Variants in ESR1 observed in about 807,000 individuals in gnomAD.
ESR1 encodes the protein estrogen receptor.
In ESR1, 12 loss-of-function variants were observed where a neutral mutation model predicts 52.7. That is an observed-to-expected ratio of 0.23 (90% CI 0.15 to 0.37). The LOEUF is 0.37. Among genes scored for constraint, ESR1 ranks in the 10% least tolerant of loss-of-function variants. The probability of loss-of-function intolerance (pLI) is 1.00; values close to 1 mark genes in which losing one functional copy is unlikely to be tolerated. For missense variants in ESR1, 584 were observed against 779.7 expected, an observed-to-expected ratio of 0.75 and a Z score of 2.99; for synonymous variants, 305 against 316.8, an observed-to-expected ratio of 0.96 and a Z score of 0.39.
chr6:151,725,404 T>C (rs912143853), intron 2 of ESR1, among the ~76,000 whole-genome samples: 5 of 152,260 alleles, frequency 3.3e-5, no homozygotes, highest in Admixed American at 2.0e-4. Flanking sequence ...TTTTAAAGTC[T>C]TAAATCTTTT....
intron 2 of ESR1, among the ~76,000 whole-genome samples, chr6:151,720,799 C>T (rs558773123): frequency 2.0e-5 from 3 of 152,256 alleles, no homozygotes; most frequent in African/African-American, 7.2e-5. Context: ...TGAGCCAAGA[C>T]ATGAAGGACA....
chr6:151,985,512 A>AC (rs199861627), intron 4 of ESR1, among the ~76,000 whole-genome samples: 3,371 of 137,756 alleles, frequency 0.024, 138 homozygotes, highest in East Asian at 0.099. Flanking sequence ...TGTCTCAAAA[A>AC]AAAAAAAAAA....
At chr6:151,795,554 C>CAGTTAAAACTGCATGGAGAGAT (rs1776618252) in intron 2 of ESR1, among the ~76,000 whole-genome samples, 1 of 150,182 alleles carries the variant, frequency 6.7e-6, no homozygotes, top group Non-Finnish European at 1.5e-5. Flanking sequence ...AAAAAAGTGT[C>CAGTTAAAACTGCATGGAGAGAT]AGTTAAAACT....
At chr6:151,850,371 G>A (rs1306756619) in intron 2 of ESR1, among the ~76,000 whole-genome samples, 1 of 149,500 alleles carries the variant, frequency 6.7e-6, no homozygotes, top group African/African-American at 2.5e-5. Flanking sequence ...AGAAGAGAAT[G>A]TCATATGATA....
At chr6:152,025,808 G>A (rs935241957) in intron 5 of ESR1, among the ~76,000 whole-genome samples, 1 of 151,820 alleles carries the variant, frequency 6.6e-6, no homozygotes, top group African/African-American at 2.4e-5. Flanking sequence ...AGCTTTTTGA[G>A]TTGATACTTA....
intron 6 of ESR1, among the ~76,000 whole-genome samples, chr6:152,110,990 C>T (rs1196440061): frequency 2.0e-5 from 3 of 152,090 alleles, no homozygotes; most frequent in Non-Finnish European, 4.4e-5. Flanking sequence ...AGTGGTTTTC[C>T]TCTGTACCTT....
At chr6:151,728,949 A>C (rs962722191) in intron 2 of ESR1, among the ~76,000 whole-genome samples, 4 of 152,224 alleles carry the variant, frequency 2.6e-5, no homozygotes, top group African/African-American at 9.7e-5. Flanking sequence ...AATTTTTTTC[A>C]GACACCAAAA....
chr6:152,128,299 T>G (rs1021398085), exon 7 of ESR1: 1 of 152,206 alleles, frequency 6.6e-6, no homozygotes, highest in Non-Finnish European at 1.5e-5. Flanking sequence ...TGCACAGATT[T>G]TTATGTTTCT....
intron 1 of ESR1, among the ~76,000 whole-genome samples, chr6:151,700,506 T>G (rs1055436150): frequency 3.3e-5 from 5 of 152,112 alleles, no homozygotes; most frequent in South Asian, 2.1e-4. Flanking sequence ...TGAGGACCAG[T>G]GTGGTATTTT....
At chr6:151,847,203 A>C (rs1785292101) in intron 2 of ESR1, among the ~76,000 whole-genome samples, 1 of 152,180 alleles carries the variant, frequency 6.6e-6, no homozygotes, top group Admixed American at 6.6e-5. Context: ...CTACAGGTAT[A>C]ACTGAGAGCC....
chr6:151,810,215 C>T (rs1025851556), intron 1 of ESR1, among the ~76,000 whole-genome samples: 4 of 151,940 alleles, frequency 2.6e-5, no homozygotes, highest in African/African-American at 9.7e-5. Context: ...CCCTATCTTA[C>T]ACTTTCTGCA....
chr6:151,987,845 T>C (rs1028494986), intron 4 of ESR1, among the ~76,000 whole-genome samples: 5 of 152,172 alleles, frequency 3.3e-5, no homozygotes, highest in Non-Finnish European at 4.4e-5. Flanking sequence ...CATGTCTATC[T>C]TTTAACTTTT....
intron 1 of ESR1, among the ~76,000 whole-genome samples, chr6:151,659,098 C>G (rs1777551376): frequency 6.6e-6 from 1 of 151,856 alleles, no homozygotes; most frequent in African/African-American, 2.4e-5. Flanking sequence ...ACCGCAACCT[C>G]CGCCTCCTGG....
chr6:151,853,169 C>CAAAAAAAAAAAAAAAAAAAAAAA (rs386408969), intron 2 of ESR1, among the ~76,000 whole-genome samples: 3 of 42,894 alleles, frequency 7.0e-5, no homozygotes, highest in Admixed American at 4.0e-4. Flanking sequence ...AGACTCGTCT[C>CAAAAAAAAAAAAAAAAAAAAAAA]AAAAAAAAAA....
intron 2 of ESR1, among the ~76,000 whole-genome samples, chr6:151,790,891 T>C (rs926740813): frequency 7.2e-5 from 11 of 152,180 alleles, no homozygotes; most frequent in Non-Finnish European, 1.6e-4. Flanking sequence ...ATAATTTTAT[T>C]TGGCAAATTG....
intron 4 of ESR1, among the ~76,000 whole-genome samples, chr6:152,003,360 G>T (rs2042101629): frequency 6.6e-6 from 1 of 151,692 alleles, no homozygotes; most frequent in Admixed American, 6.6e-5. Flanking sequence ...GTGTGTGTGT[G>T]TGTGTGTGTG....
At chr6:152,113,747 T>C (rs1241869360) in intron 6 of ESR1, among the ~76,000 whole-genome samples, 3 of 152,094 alleles carry the variant, frequency 2.0e-5, no homozygotes, top group Non-Finnish European at 2.9e-5. Flanking sequence ...ACGACTAAAA[T>C]AGCGTTAACT....
At chr6:151,739,148 G>A (rs1782890234) in intron 2 of ESR1, among the ~76,000 whole-genome samples, 1 of 152,090 alleles carries the variant, frequency 6.6e-6, no homozygotes, top group African/African-American at 2.4e-5. Flanking sequence ...TGACCACTAG[G>A]GGATCAAGGT....
intron 5 of ESR1, among the ~76,000 whole-genome samples, chr6:152,033,683 T>G (rs898700311): frequency 3.9e-5 from 6 of 152,226 alleles, no homozygotes; most frequent in Non-Finnish European, 7.3e-5. Flanking sequence ...GGAAGACTTT[T>G]ACACTGTTGG....
Sources: gnomAD v4.1 joint callset for allele counts (sites outside exome capture counted in the v4.1 genomes callset) on GRCh38, gnomAD v4.1.1 for gene constraint, MANE v1.5 for transcripts, NCBI Gene and HGNC (gene_info 2026-07-23, HGNC 2026-07-21) for gene names.